Variants in IL19 observed in about 807,000 individuals in gnomAD.
The protein encoded by IL19 is interleukin-19.
IL19 carries 15 observed loss-of-function variants against 19.5 expected under a neutral mutation model. That is an observed-to-expected ratio of 0.77 (90% confidence interval 0.52 to 1.19). IL19 has a LOEUF of 1.19. IL19 is among the 50% of genes most tolerant of loss of function. The pLI, the probability that IL19 is intolerant of heterozygous loss-of-function variation, is 0.00. For missense variants in IL19, 199 were observed against 213.1 expected, an observed-to-expected ratio of 0.93 and a Z score of 0.41; for synonymous variants, 78 against 78.3, an observed-to-expected ratio of 1.00 and a Z score of 0.02.
intron 1 of IL19, among the ~76,000 whole-genome samples, chr1:206,782,784 G>C (rs768472974): frequency 2.0e-5 from 3 of 152,092 alleles, no homozygotes; most frequent in African/African-American, 7.2e-5. Flanking sequence ...GTGGTCAAGG[G>C]GCACAGAGCT....
chr1:206,800,820 G>A (rs562079849), intron 2 of IL19, among the ~76,000 whole-genome samples: 7 of 152,356 alleles, frequency 4.6e-5, no homozygotes, highest in South Asian at 2.1e-4. Flanking sequence ...TGTTAAGTCC[G>A]GGAGGCAGTG....
rs941801782 is a variant in IL19 at position 206,813,515 on chromosome 1, C to T, written c.-3+14509C>T. 2.0e-4 allele frequency among the ~76,000 whole-genome samples: 30 copies of T among 152,236 alleles called. 1 individual carries two copies. The highest frequency in any genetic ancestry group is 1.5e-3 in the Admixed American group (23 of 15,282). On this transcript the variant is annotated intron_variant, in intron 2 of 6. Transcript: ENST00000659997. ...GATTTGGATCCTAATACCCTGGATCCCTCCCTGTGAACTAAGACAACAAGC... is the reference window on the plus strand; with the variant it reads ...GATTTGGATCCTAATACCCTGGATCTCTCCCTGTGAACTAAGACAACAAGC...
chr1:206,772,326 A>G, intron 1 of IL19: 1 of 1,614,240 alleles, frequency 6.2e-7, no homozygotes, highest in South Asian at 1.1e-5. Context: ...CATGTTAGGC[A>G]GGTTGCCTGG....
intron 2 of IL19, among the ~76,000 whole-genome samples, chr1:206,818,385 G>A (rs1398610120): frequency 1.3e-5 from 2 of 152,196 alleles, no homozygotes; most frequent in Non-Finnish European, 2.9e-5. Flanking sequence ...GGTCATACAT[G>A]CAACACCATG....
chr1:206,814,473 A>G (rs1676096642), intron 2 of IL19, among the ~76,000 whole-genome samples: 1 of 148,360 alleles, frequency 6.7e-6, no homozygotes, highest in Non-Finnish European at 1.5e-5. Flanking sequence ...GGCAGATCAC[A>G]TGAGGCCAGG....
chr1:206,798,903 T>C lies in IL19; in HGVS notation c.-106T>C, dbSNP rs776300647. ...CTGACAGGAGTCCAAGAATGTGCAC[T>C]GAGGGAGCGTTTCCGCACAGATCTG... On this transcript the variant is annotated 5_prime_UTR_variant, in exon 2 of 7. Coordinates refer to ENST00000659997, the MANE Select transcript of IL19 (RefSeq NM_153758.5). 2.5e-6 allele frequency: 4 copies of C among 1,612,394 alleles called. No individual in the cohort carries two copies. The East Asian group carries it at 6.7e-5, about 27-fold the overall frequency.
intron 5 of IL19, chr1:206,840,721 G>A (rs945577206): frequency 2.7e-5 from 11 of 407,132 alleles, no homozygotes; most frequent in Non-Finnish European, 4.9e-5. Flanking sequence ...CCTACCCTGT[G>A]GGATGCAGCA....
chr1:206,802,206 G>A (rs1572555477), intron 2 of IL19, among the ~76,000 whole-genome samples: 1 of 140,636 alleles, frequency 7.1e-6, no homozygotes, highest in Admixed American at 8.0e-5. Flanking sequence ...AGTTGGTGAT[G>A]GAGATGGGAT....
intron 5 of IL19, 59 bp downstream of exon 5, chr1:206,840,061 G>T: frequency 3.2e-6 from 5 of 1,583,244 alleles, no homozygotes; most frequent in Non-Finnish European, 4.3e-6. Flanking sequence ...GAGAGGCCAG[G>T]AAGTGCTGGC....
At chr1:206,819,785 C>T (rs1367484513) in intron 2 of IL19, among the ~76,000 whole-genome samples, 2 of 152,230 alleles carry the variant, frequency 1.3e-5, no homozygotes, top group South Asian at 2.1e-4. Flanking sequence ...TTTCACTGGC[C>T]GCTTATTGAG....
intron 6 of IL19, among the ~76,000 whole-genome samples, 156 bp downstream of exon 6, chr1:206,841,234 T>C (rs1677008282): frequency 6.6e-6 from 1 of 152,252 alleles, no homozygotes; most frequent in Admixed American, 6.5e-5. Context: ...AAGAGAGTTT[T>C]GATTTTACCT....
At chr1:206,820,895 C>T (rs557398100) in intron 2 of IL19, among the ~76,000 whole-genome samples, 1 of 152,250 alleles carries the variant, frequency 6.6e-6, no homozygotes, top group Non-Finnish European at 1.5e-5. Context: ...AGGGCTCCAT[C>T]CAGTGTGCCT....
chr1:206,826,029 C>T lies in IL19; in HGVS notation c.-2-10632C>T, dbSNP rs945213738. On this transcript the variant is annotated intron_variant, in intron 2 of 6. Transcript: ENST00000659997. ...TTATACACCCTCTGCTTGGGACACA[C>T]GGTCTCAGCCCTCCTCCACCTTCAA... Among the ~76,000 whole-genome samples, 8 of 152,322 alleles carry T rather than the reference C, an allele frequency of 5.3e-5. No homozygotes were observed. The East Asian group carries it at 9.6e-4, about 18-fold the overall frequency.
intron 2 of IL19, among the ~76,000 whole-genome samples, chr1:206,805,541 T>C (rs1205201327): frequency 6.6e-6 from 1 of 152,194 alleles, no homozygotes; most frequent in Non-Finnish European, 1.5e-5. Context: ...AACACAGTTA[T>C]TGAATTAAAC....
At chr1:206,830,734 C>T (rs534307143) in intron 2 of IL19, among the ~76,000 whole-genome samples, 8 of 152,198 alleles carry the variant, frequency 5.3e-5, no homozygotes, top group African/African-American at 1.7e-4. Flanking sequence ...ACTGCCACCA[C>T]GCCAGGCTAA....
intron 2 of IL19, among the ~76,000 whole-genome samples, chr1:206,814,725 C>A (rs76941555): frequency 0.041 from 5,925 of 145,614 alleles, 131 homozygotes; most frequent in African/African-American, 0.068. Context: ...CACACACACA[C>A]AATTCACTTT....
At chr1:206,779,149 C>T (rs1675073488) in intron 1 of IL19, among the ~76,000 whole-genome samples, 1 of 152,224 alleles carries the variant, frequency 6.6e-6, no homozygotes, top group East Asian at 1.9e-4. Context: ...GGAATGTGCA[C>T]AGACTTGTTG....
At chr1:206,798,270 T>A (rs569279646) in intron 1 of IL19, among the ~76,000 whole-genome samples, 1 of 152,170 alleles carries the variant, frequency 6.6e-6, no homozygotes, top group Admixed American at 6.5e-5. Flanking sequence ...CGTTGTTCCA[T>A]CCAGTCTTGA....
rs561329103 is a variant in IL19 at position 206,813,501 on chromosome 1, T to TAATACCCTGGATCCC, written c.-3+14496_-3+14510dup. 9.8e-4 allele frequency among the ~76,000 whole-genome samples: 150 copies of TAATACCCTGGATCCC among 152,328 alleles called. 3 individuals are homozygous for TAATACCCTGGATCCC. The East Asian group carries it at 0.021, about 22-fold the overall frequency. ...GTCTCTTCTGCAGAGATTTGGATCC[T>TAATACCCTGGATCCC]AATACCCTGGATCCCTCCCTGTGAA... On this transcript the variant is annotated intron_variant, in intron 2 of 6. Transcript: ENST00000659997.
Sources: allele counts gnomAD v4.1 joint callset (sites outside exome capture counted in the v4.1 genomes callset), GRCh38; gene constraint gnomAD v4.1.1; transcripts MANE v1.5; gene names NCBI Gene and HGNC (gene_info 2026-07-23, HGNC 2026-07-21).